Variants in ZRANB3 observed in about 807,000 individuals in gnomAD.
ZRANB3 encodes the protein DNA annealing helicase and endonuclease ZRANB3.
Under a neutral mutation model 133.8 loss-of-function variants are expected in ZRANB3, and 125 were observed. The ratio of observed to expected loss-of-function variants is 0.93; its 90% CI spans 0.81 to 1.08. ZRANB3 has a LOEUF of 1.08. Ranked by LOEUF, ZRANB3 falls within the 50% of genes least tolerant of loss-of-function variation. The pLI is 0.00. For missense variants in ZRANB3, 1,229 were observed against 1,275.5 expected, an observed-to-expected ratio of 0.96 and a Z score of 0.56; for synonymous variants, 387 against 432.7, an observed-to-expected ratio of 0.89 and a Z score of 1.31.
chr2:135,507,418 T>C (rs1393063171), intron 1 of ZRANB3, among the ~76,000 whole-genome samples: 1 of 152,198 alleles, frequency 6.6e-6, no homozygotes, highest in East Asian at 1.9e-4. Flanking sequence ...TAATCAGATA[T>C]ACTATTGTGG....
At chr2:135,511,312 G>T in intron 1 of ZRANB3, 1 of 907,072 alleles carries the variant, frequency 1.1e-6, no homozygotes, top group Non-Finnish European at 1.9e-6. Context: ...TTTTCCTCTT[G>T]GATTTCAGAT....
At chr2:135,502,083 G>A (rs1692974851) in intron 2 of ZRANB3, among the ~76,000 whole-genome samples, 1 of 152,042 alleles carries the variant, frequency 6.6e-6, no homozygotes, top group Non-Finnish European at 1.5e-5. Flanking sequence ...ATGAACTCAA[G>A]ATAAAATATA....
chr2:135,495,016 T>C (rs1483380969), intron 2 of ZRANB3, among the ~76,000 whole-genome samples: 4 of 152,118 alleles, frequency 2.6e-5, no homozygotes, highest in Admixed American at 6.6e-5. Flanking sequence ...AGGAAGATCA[T>C]ATGGGGCCAG....
chr2:135,319,747 G>C lies in ZRANB3; in HGVS notation c.678-4217C>G, dbSNP rs925135704. 2.0e-5 allele frequency among the ~76,000 whole-genome samples: 3 copies of C among 152,038 alleles called. No individual in the cohort carries two copies. In the East Asian group the frequency reaches 5.8e-4, roughly 29 times the overall value. ...ATTTCTGGAAGCCATTCCTATACTA[G>C]GTTGGCTAGCAATAACCTAACTAAA... On this transcript the variant is annotated intron_variant, in intron 6 of 20. Coordinates refer to ENST00000264159, the MANE Select transcript of ZRANB3 (RefSeq NM_032143.4).
At position 135,284,582 on chromosome 2, in the gene ZRANB3, C is replaced by T. The variant is rs144918949; in HGVS notation, c.967-8827G>A. On this transcript the variant is annotated intron_variant, in intron 8 of 20. Coordinates refer to ENST00000264159, the MANE Select transcript of ZRANB3 (RefSeq NM_032143.4). ...CGCCTCCCGGGTTCACGCCATTCTC[C>T]TGCCTCAGCCTCCTGAGTAGCTGGG... 7.1e-3 allele frequency among the ~76,000 whole-genome samples: 1,082 copies of T among 152,356 alleles called. 11 individuals carry two copies. Among genetic ancestry groups the T allele is most frequent in the African/African-American group, 0.024 (1,012 of 41,586 alleles).
chr2:135,431,764 T>G (rs537524973), intron 2 of ZRANB3, among the ~76,000 whole-genome samples: 1 of 152,194 alleles, frequency 6.6e-6, no homozygotes, highest in East Asian at 1.9e-4. Context: ...AATACCATTA[T>G]ATACCTACTA....
intron 3 of ZRANB3, among the ~76,000 whole-genome samples, chr2:135,362,176 C>A (rs1371016725): frequency 3.5e-5 from 5 of 141,790 alleles, no homozygotes; most frequent in African/African-American, 1.3e-4. Flanking sequence ...CCAGCCTGGG[C>A]AGCAGAGCAA....
Position 135,207,796 on chromosome 2 carries a change from G to A in ZRANB3, c.2647C>T (p.Pro883Ser). 1 of 1,601,660 alleles carries A rather than the reference G, an allele frequency of 6.2e-7. No homozygotes were observed. Among genetic ancestry groups the A allele is most frequent in the Non-Finnish European group, 8.6e-7 (1 of 1,169,536 alleles). ...EDGACVPFLN[P>S]YTVQADLTVK... ...GTGAGATCTGCCTGGACTGTGTATG[G>A]ATTTAGAAATGGGACACAGGCTCCA... Residue 883 changes from proline to serine, a missense_variant, in exon 19 of 21, where the codon CCA (proline) becomes TCA (serine). Coordinates refer to ENST00000264159, the MANE Select transcript of ZRANB3 (RefSeq NM_032143.4).
rs1424523096 is a variant in ZRANB3 at position 135,200,185 on chromosome 2, T to C, written c.*157A>G. 18 of 679,502 alleles carry C rather than the reference T, an allele frequency of 2.6e-5. No individual in the cohort carries two copies. The highest frequency in any genetic ancestry group is 4.7e-5 in the Non-Finnish European group (18 of 382,554). 42.1% of individuals were successfully genotyped at this position (679,502 alleles called of 1,614,324 possible). On this transcript the variant is annotated 3_prime_UTR_variant, in exon 21 of 21. Coordinates refer to ENST00000264159, the MANE Select transcript of ZRANB3 (RefSeq NM_032143.4). ...GTTTCTGTTAAGTACTTTCAAAATGTATTTAATACTAAAAGTAATTAGTAG... is the reference window on the plus strand; with the variant it reads ...GTTTCTGTTAAGTACTTTCAAAATGCATTTAATACTAAAAGTAATTAGTAG...
intron 5 of ZRANB3, among the ~76,000 whole-genome samples, chr2:135,345,923 TCAGA>T (rs1684900727): frequency 1.3e-5 from 2 of 152,174 alleles, no homozygotes; most frequent in African/African-American, 4.8e-5. Flanking sequence ...AAAACATGTC[TCAGA>T]CACTTAAATT....
chr2:135,246,298 GACCTTAA>G, intron 12 of ZRANB3, among the ~76,000 whole-genome samples: 1 of 151,998 alleles, frequency 6.6e-6, no homozygotes. Context: ...AGAAGAAGGT[GACCTTAA>G]ACAAGATACT....
chr2:135,286,669 G>C lies in ZRANB3; in HGVS notation c.967-10914C>G, dbSNP rs1681383979. Among the ~76,000 whole-genome samples the C allele has an allele frequency of 2.0e-5, 3 of 152,174 alleles. 1 individual carries two copies. In the South Asian group the frequency reaches 6.2e-4, roughly 31 times the overall value. Reference sequence around the variant, plus strand: ...AATTTGCATTTCCCTGATAATACGTGATGATGAGCATTTTTTCATTTTTTT... The same window carrying C: ...AATTTGCATTTCCCTGATAATACGTCATGATGAGCATTTTTTCATTTTTTT... On this transcript the variant is annotated intron_variant, in intron 8 of 20. Coordinates refer to ENST00000264159, the MANE Select transcript of ZRANB3 (RefSeq NM_032143.4).
chr2:135,356,901 C>T (rs1375724255), intron 3 of ZRANB3, among the ~76,000 whole-genome samples: 4 of 151,926 alleles, frequency 2.6e-5, no homozygotes, highest in Non-Finnish European at 5.9e-5. Context: ...GCAGGCTGGT[C>T]TCGAACTCCT....
intron 2 of ZRANB3, among the ~76,000 whole-genome samples, chr2:135,498,282 C>A (rs1017018569): frequency 1.3e-5 from 2 of 152,040 alleles, no homozygotes; most frequent in African/African-American, 4.8e-5. Flanking sequence ...GAAGCCATGG[C>A]AGAAGAACAT....
intron 12 of ZRANB3, among the ~76,000 whole-genome samples, chr2:135,253,446 GC>G (rs1558864656): frequency 6.6e-6 from 1 of 152,142 alleles, no homozygotes. Context: ...ACTATACTAT[GC>G]TTTGCTTAAC....
At chr2:135,225,858 T>C (rs1440082494) in intron 14 of ZRANB3, among the ~76,000 whole-genome samples, 1 of 152,208 alleles carries the variant, frequency 6.6e-6, no homozygotes, top group Non-Finnish European at 1.5e-5. Flanking sequence ...TGCTTCATGG[T>C]ACTGAAGGAA....
chr2:135,275,234 C>T (rs1467420254), intron 9 of ZRANB3, among the ~76,000 whole-genome samples: 13 of 130,900 alleles, frequency 9.9e-5, no homozygotes, highest in East Asian at 2.3e-4. Context: ...CCGGACGGGG[C>T]GGCTGGCCGG....
Position 135,200,361 on chromosome 2 carries a change from C to CGTGTGAT in ZRANB3, c.3214_3220dup (p.Arg1074HisfsTer11). The stretch of plus-strand genomic sequence containing the variant: ...TCTACTTTACTTCTTTACCAAAAAT[C>CGTGTGAT]GTGTGATGTCTGATCCATGCTTTGA... On this transcript the variant is annotated frameshift_variant, in exon 21 of 21. Transcript: ENST00000264159. LOFTEE classifies it high-confidence loss of function. The CGTGTGAT allele has an allele frequency of 6.2e-7, 1 of 1,601,226 alleles. No individual in the cohort carries two copies. Among genetic ancestry groups the CGTGTGAT allele is most frequent in the Non-Finnish European group, 8.5e-7 (1 of 1,173,328 alleles).
At chr2:135,513,482 T>C (rs1248852718) in intron 1 of ZRANB3, among the ~76,000 whole-genome samples, 2 of 152,080 alleles carry the variant, frequency 1.3e-5, no homozygotes, top group South Asian at 2.1e-4. Context: ...TTTCAACAAA[T>C]AGTGCTGAGA....
Sources: gnomAD v4.1 joint callset for allele counts (sites outside exome capture counted in the v4.1 genomes callset) on GRCh38, gnomAD v4.1.1 for gene constraint, MANE v1.5 for transcripts, NCBI Gene and HGNC (gene_info 2026-07-23, HGNC 2026-07-21) for gene names.